The following BANK1 variants were observed in gnomAD, a reference collection of about 807,000 sequenced individuals.
BANK1 encodes B-cell scaffold protein with ankyrin repeats.
In BANK1, 95 loss-of-function variants were observed where a neutral mutation model predicts 94.5. The observed-to-expected ratio is 1.00, with a 90% CI of 0.85 to 1.19. BANK1 has a LOEUF of 1.19. Ranked by LOEUF, BANK1 falls within the 50% of genes most tolerant of loss-of-function variation. BANK1 has a pLI of 0.00. For missense variants in BANK1, 987 were observed against 932.2 expected (o/e 1.06, Z -0.77); for synonymous variants, 334 against 308.4 (o/e 1.08, Z -0.87).
At chr4:102,049,956 A>C (rs1381640613) in intron 11 of BANK1, among the ~76,000 whole-genome samples, 1 of 152,210 alleles carries the variant, frequency 6.6e-6, no homozygotes, top group Non-Finnish European at 1.5e-5. Context: ...GCTCCTCCCA[A>C]GTGCTGGCAG....
At chr4:101,927,957 AC>A (rs1723218179) in intron 7 of BANK1, among the ~76,000 whole-genome samples, 1 of 151,676 alleles carries the variant, frequency 6.6e-6, no homozygotes, top group South Asian at 2.1e-4. Flanking sequence ...AAAGATTTTC[AC>A]AGATGAGGTA....
chr4:101,817,362 G>A (rs1316980803), intron 1 of BANK1, among the ~76,000 whole-genome samples: 3 of 152,126 alleles, frequency 2.0e-5, no homozygotes, highest in Non-Finnish European at 4.4e-5. Context: ...AAAGGAATGC[G>A]ATTATGTCCT....
intron 7 of BANK1, among the ~76,000 whole-genome samples, chr4:101,963,990 T>A (rs12513249): frequency 2.0e-5 from 3 of 151,904 alleles, no homozygotes; most frequent in Admixed American, 1.3e-4. Flanking sequence ...TAGCATTTTT[T>A]TGTGTGTGTG....
At chr4:101,998,723 C>A (rs184239566) in intron 7 of BANK1, among the ~76,000 whole-genome samples, 13 of 151,994 alleles carry the variant, frequency 8.6e-5, no homozygotes, top group African/African-American at 2.9e-4. Flanking sequence ...TCAGAGAATC[C>A]TCTCTTTTTC....
chr4:101,905,667 G>T (rs947582160), intron 6 of BANK1, among the ~76,000 whole-genome samples: 4 of 152,050 alleles, frequency 2.6e-5, no homozygotes, highest in Non-Finnish European at 4.4e-5. Flanking sequence ...TCCTGCCATT[G>T]CCTGTGCTAG....
intron 1 of BANK1, among the ~76,000 whole-genome samples, chr4:101,805,847 T>A (rs1354040262): frequency 6.6e-6 from 1 of 151,738 alleles, no homozygotes; most frequent in Non-Finnish European, 1.5e-5. Context: ...TTAAAATTCA[T>A]GAAGCCTTTT....
At chr4:102,033,439 A>G (rs541879176) in intron 10 of BANK1, among the ~76,000 whole-genome samples, 10 of 152,228 alleles carry the variant, frequency 6.6e-5, no homozygotes, top group African/African-American at 2.4e-4. Flanking sequence ...TTGAGTGCCA[A>G]TGATAAAACC....
In BANK1 at chr4:102,073,764, T is replaced by C. The variant is rs1475484147; in HGVS notation, c.*5+16T>C. The C allele has an allele frequency of 1.9e-6, 3 of 1,585,392 alleles. No homozygotes were observed. Among genetic ancestry groups the C allele is most frequent in the Non-Finnish European group, 8.6e-7 (1 of 1,160,870 alleles). Reference sequence around the variant, plus strand: ...ATTAAAGAAGGTAAAATATTAGCTGTGTATATTTTTTAGAAAATCTAAAGC... The same window carrying C: ...ATTAAAGAAGGTAAAATATTAGCTGCGTATATTTTTTAGAAAATCTAAAGC... On this transcript the variant is annotated intron_variant, in intron 16 of 16. Coordinates refer to ENST00000322953, the MANE Select transcript of BANK1 (RefSeq NM_017935.5).
intron 1 of BANK1, among the ~76,000 whole-genome samples, chr4:101,811,418 ACT>A (rs1725727479): frequency 6.6e-6 from 1 of 152,108 alleles, no homozygotes; most frequent in African/African-American, 2.4e-5. Flanking sequence ...TTTAAAAGCT[ACT>A]CTCTTATAAA....
intron 6 of BANK1, among the ~76,000 whole-genome samples, chr4:101,906,237 A>G (rs965602275): frequency 6.6e-6 from 1 of 152,246 alleles, no homozygotes; most frequent in Non-Finnish European, 1.5e-5. Flanking sequence ...TAACAGTCCC[A>G]TTACAAAAGG....
At chr4:102,071,212 A>G in intron 13 of BANK1, 63 bp from the exon 14 acceptor site, 2 of 1,529,686 alleles carry the variant, frequency 1.3e-6, no homozygotes, top group African/African-American at 1.4e-5. Flanking sequence ...AAAAAATAAG[A>G]GAGAGAATTT....
chr4:101,969,447 G>A (rs1267783791), intron 7 of BANK1, among the ~76,000 whole-genome samples: 4 of 152,024 alleles, frequency 2.6e-5, no homozygotes, highest in African/African-American at 7.2e-5. Context: ...TTTGATTAAT[G>A]TGCATAGCCA....
chr4:101,885,110 G>A (rs766143566), intron 5 of BANK1, among the ~76,000 whole-genome samples: 1 of 152,182 alleles, frequency 6.6e-6, no homozygotes, highest in Non-Finnish European at 1.5e-5. Context: ...TAGAGACGGG[G>A]TTTCGCCATG....
intron 7 of BANK1, among the ~76,000 whole-genome samples, chr4:101,949,983 T>G (rs1724076233): frequency 6.6e-6 from 1 of 152,022 alleles, no homozygotes; most frequent in South Asian, 2.1e-4. Context: ...TGGGCAAGGA[T>G]GCCTATAAAC....
intron 11 of BANK1, among the ~76,000 whole-genome samples, chr4:102,059,452 C>CT (rs746168917): frequency 6.6e-6 from 1 of 152,198 alleles, no homozygotes; most frequent in Non-Finnish European, 1.5e-5. Flanking sequence ...TCCAGGAACT[C>CT]TAACGTGTGG....
chr4:102,047,406 T>C (rs2148958056), intron 11 of BANK1, among the ~76,000 whole-genome samples: 1 of 143,508 alleles, frequency 7.0e-6, no homozygotes, highest in East Asian at 2.1e-4. Flanking sequence ...TTTTTAGTGA[T>C]TTCATATTTA....
chr4:101,957,842 T>G (rs1396454811), intron 7 of BANK1, among the ~76,000 whole-genome samples: 1 of 110,182 alleles, frequency 9.1e-6, no homozygotes, highest in East Asian at 2.3e-4. Context: ...TTTTGTTTTT[T>G]GCTTTTTTTT....
Position 102,063,106 on chromosome 4 carries a change from T to C in BANK1, c.2180T>C (p.Ile727Thr), listed in dbSNP as rs1728478029. 6.2e-7 allele frequency: 1 copy of C among 1,613,754 alleles called. No homozygotes were observed. The highest frequency in any genetic ancestry group is 8.5e-7 in the Non-Finnish European group (1 of 1,179,750). ...EKLRQLRDCI[I>T]GKRPEEENVY... is the part of the protein sequence containing the mutation. ...TTACGACAACTACGAGACTGCATTA[T>C]TGGGAAAAGGCCAGAAGAAGAAAAT... is the stretch of plus-strand genomic sequence containing the variant. Residue 727 changes from isoleucine (I) to threonine (T), a missense_variant, in exon 13 of 17, where the codon ATT becomes ACT. Physicochemically the swap from Ile to Thr is moderately conservative, Grantham distance 89 (BLOSUM62 -1). Coordinates refer to ENST00000322953, the MANE Select transcript of BANK1 (RefSeq NM_017935.5).
chr4:101,901,453 A>G (rs996163490), intron 6 of BANK1, among the ~76,000 whole-genome samples: 1 of 152,174 alleles, frequency 6.6e-6, no homozygotes, highest in East Asian at 1.9e-4. Flanking sequence ...CCTCAGTTTC[A>G]TTTGCTGTAT....
Sources: allele counts gnomAD v4.1 joint callset (sites outside exome capture counted in the v4.1 genomes callset), GRCh38; gene constraint gnomAD v4.1.1; transcripts MANE v1.5; gene names NCBI Gene and HGNC (gene_info 2026-07-23, HGNC 2026-07-21).